ERC1: variants seen among roughly 807,000 people sequenced by gnomAD.
ERC1 encodes ELKS/RAB6-interacting/CAST family member 1.
A neutral mutation model predicts 132.0 loss-of-function variants in ERC1; 56 were observed. The ratio of observed to expected loss-of-function variants is 0.42; its 90% confidence interval spans 0.34 to 0.53. The LOEUF is 0.53. ERC1 is among the 20% of genes least tolerant of loss of function. The pLI, the probability that ERC1 is intolerant of heterozygous loss-of-function variation, is 0.03. For missense variants in ERC1, 1,202 were observed against 1,349.9 expected, an observed-to-expected ratio of 0.89 and a Z score of 1.72; for synonymous variants, 478 against 476.1, an observed-to-expected ratio of 1.00 and a Z score of -0.05.
intron 8 of ERC1, among the ~76,000 whole-genome samples, chr12:1,156,926 T>C (rs1951452351): frequency 6.6e-6 from 1 of 152,128 alleles, no homozygotes; most frequent in African/African-American, 2.4e-5. Flanking sequence ...AATACATTGG[T>C]CTATTTCCTT....
At chr12:1,254,707 T>G (rs1028536299) in intron 13 of ERC1, among the ~76,000 whole-genome samples, 4 of 152,138 alleles carry the variant, frequency 2.6e-5, no homozygotes, top group African/African-American at 9.7e-5. Flanking sequence ...GAGATGTGGT[T>G]TCACCATGTT....
intron 13 of ERC1, among the ~76,000 whole-genome samples, chr12:1,241,681 T>C (rs1041314422): frequency 1.3e-5 from 2 of 152,128 alleles, no homozygotes; most frequent in African/African-American, 4.8e-5. Flanking sequence ...AAGTACTCTT[T>C]CTTTACCCTG....
chr12:1,374,234 T>C (rs1056646364), intron 16 of ERC1, among the ~76,000 whole-genome samples: 1 of 152,362 alleles, frequency 6.6e-6, no homozygotes, highest in Non-Finnish European at 1.5e-5. Flanking sequence ...GACCAGGCTT[T>C]CCAGCAAATG....
At position 1,263,663 on chromosome 12, in the gene ERC1, A is replaced by G. The variant is rs985253491; in HGVS notation, c.2619+498A>G. ...TGGCTTTTAAACGGAAAGAAAAAAC[A>G]TGAACGTTTCTCTTTTTTTTCTTTT... On this transcript the variant is annotated intron_variant, in intron 14 of 18. Coordinates refer to ENST00000360905, the MANE Select transcript of ERC1 (RefSeq NM_178040.4). 3.9e-5 allele frequency among the ~76,000 whole-genome samples: 6 copies of G among 152,204 alleles called. No individual in the cohort carries two copies. The South Asian group carries it at 1.0e-3, about 26-fold the overall frequency.
chr12:1,123,968 C>T (rs181188192), intron 7 of ERC1, among the ~76,000 whole-genome samples: 101 of 152,222 alleles, frequency 6.6e-4, no homozygotes, highest in South Asian at 1.7e-3. Context: ...TGGGTGACAG[C>T]GCAAGATTCT....
At position 1,107,207 on chromosome 12, in the gene ERC1, TTTTGTTTG is replaced by T. The variant is rs953788823; in HGVS notation, c.1161+2399_1161+2406del. On this transcript the variant is annotated intron_variant, in intron 4 of 18. Coordinates refer to ENST00000360905, the MANE Select transcript of ERC1 (RefSeq NM_178040.4). ...TCTTCCTCCCCTTTCTCTACTATTT[TTTTGTTTG>T]TTTGTTTGTTTGTTTTTCCTTTACC... is the stretch of plus-strand genomic sequence containing the variant. 1.2e-4 allele frequency among the ~76,000 whole-genome samples: 19 copies of T among 152,294 alleles called. 1 individual carries two copies. The highest frequency in any genetic ancestry group is 1.0e-3 in the South Asian group (5 of 4,826).
In ERC1 at chr12:1,440,601, TGTGTGTGTGTGTGTGTGTG is replaced by T. The variant is rs1358145003; in HGVS notation, c.3025-3960_3025-3942del. Among the ~76,000 whole-genome samples the T allele has an allele frequency of 2.4e-4, 3 of 12,388 alleles. 1 individual carries two copies. Among genetic ancestry groups the T allele is most frequent in the African/African-American group, 5.8e-4 (3 of 5,170 alleles). 8.1% of individuals were successfully genotyped at this position (12,388 alleles called of 152,430 possible). On this transcript the variant is annotated intron_variant, in intron 17 of 18. Coordinates refer to ENST00000360905, the MANE Select transcript of ERC1 (RefSeq NM_178040.4). ...AAGCAATCCCCCTGCCTCAGCCTTT[TGTGTGTGTGTGTGTGTGTG>T]TGTGTGTGTGTGTGTGTGTGTGTGT...
rs1334975362 is a variant in ERC1 at position 1,418,657 on chromosome 12, C to T, written c.3024+10410C>T. 8.3e-3 allele frequency among the ~76,000 whole-genome samples: 1,009 copies of T among 122,200 alleles called. 6 individuals carry two copies. Among genetic ancestry groups the T allele is most frequent in the Middle Eastern group, 0.016 (4 of 254 alleles). The allele number at this position is 122,200 out of a possible 152,430, so 80.2% of individuals were successfully genotyped here. A position where few individuals can be genotyped will look rare whatever the true frequency, so the allele number is the denominator to read the frequency against. On this transcript the variant is annotated intron_variant, in intron 17 of 18. Coordinates refer to ENST00000360905, the MANE Select transcript of ERC1 (RefSeq NM_178040.4). Reference sequence around the variant, plus strand: ...TTTCTTTCTTTCTCTCTCTCTCTCTCTCTCTTTCTTTTCTTTCTTTCTTTC... The same window carrying T: ...TTTCTTTCTTTCTCTCTCTCTCTCTTTCTCTTTCTTTTCTTTCTTTCTTTC...
At chr12:1,299,882 A>G (rs1274972357) in intron 15 of ERC1, among the ~76,000 whole-genome samples, 1 of 152,222 alleles carries the variant, frequency 6.6e-6, no homozygotes, top group Non-Finnish European at 1.5e-5. Context: ...AATTTAATAG[A>G]CAAAGTCTTT....
chr12:1,127,058 T>C (rs1389324970), intron 7 of ERC1, among the ~76,000 whole-genome samples: 4 of 144,700 alleles, frequency 2.8e-5, no homozygotes, highest in East Asian at 2.0e-4. Context: ...AGGATTTGAA[T>C]AGACAATTAA....
At chr12:1,004,478 C>G (rs1007715911) in intron 1 of ERC1, among the ~76,000 whole-genome samples, 3 of 136,514 alleles carry the variant, frequency 2.2e-5, no homozygotes, top group African/African-American at 8.4e-5. Flanking sequence ...GTGATCTCGG[C>G]TCACTGCAAC....
chr12:1,192,081 GATC>G, intron 12 of ERC1, among the ~76,000 whole-genome samples: 1 of 152,302 alleles, frequency 6.6e-6, no homozygotes, highest in Non-Finnish European at 1.5e-5. Flanking sequence ...GTAAATTCCA[GATC>G]AATTTTCTTT....
intron 2 of ERC1, among the ~76,000 whole-genome samples, chr12:1,043,024 TTTCTTTTTC>T (rs1394248010): frequency 6.7e-6 from 1 of 149,834 alleles, no homozygotes; most frequent in Non-Finnish European, 1.5e-5. Context: ...CTTCTTTTTC[TTTCTTTTTC>T]TTTTCTTTTC....
chr12:1,293,750 A>T (rs762923528), intron 15 of ERC1, among the ~76,000 whole-genome samples: 1 of 152,184 alleles, frequency 6.6e-6, no homozygotes, highest in South Asian at 2.1e-4. Flanking sequence ...ATATCCTAGT[A>T]ACAATTTAGG....
rs567723571 is a variant in ERC1, at chr12:1,494,351, C to T, written c.*4121C>T. On this transcript the variant is annotated 3_prime_UTR_variant, in exon 19 of 19. Transcript: ENST00000360905. ...CTCAAAGGAATGTCTTAAAGAGGAT[C>T]TGGAGTTTCCCCCATGCAAATTAGG... 1.2e-4 allele frequency: 28 copies of T among 231,802 alleles called. No individual in the cohort carries two copies. The South Asian group carries it at 1.6e-3, about 14-fold the overall frequency. 14.4% of individuals were successfully genotyped at this position (231,802 alleles called of 1,614,324 possible). A position where few individuals can be genotyped will look rare whatever the true frequency, so the allele number is the denominator to read the frequency against.
At chr12:1,428,978 A>G (rs2092717019) in intron 17 of ERC1, among the ~76,000 whole-genome samples, 1 of 152,322 alleles carries the variant, frequency 6.6e-6, no homozygotes, top group Middle Eastern at 3.4e-3. Context: ...GCTTCCTATT[A>G]TGCTAGGAGA....
intron 1 of ERC1, among the ~76,000 whole-genome samples, chr12:1,006,822 A>C (rs1294264417): frequency 1.3e-5 from 2 of 151,992 alleles, no homozygotes; most frequent in African/African-American, 2.4e-5. Context: ...GTATAGCAAA[A>C]ATGTCTGCTT....
At chr12:1,333,245 T>C (rs1595056675) in intron 15 of ERC1, among the ~76,000 whole-genome samples, 1 of 152,190 alleles carries the variant, frequency 6.6e-6, no homozygotes, top group East Asian at 1.9e-4. Flanking sequence ...GGTAGTGGTC[T>C]CCAGCTCCAT....
intron 15 of ERC1, among the ~76,000 whole-genome samples, chr12:1,320,772 G>A (rs1483136292): frequency 6.6e-6 from 1 of 152,176 alleles, no homozygotes; most frequent in African/African-American, 2.4e-5. Flanking sequence ...CACGATCTGG[G>A]CTCACTGCAA....
Sources: allele counts gnomAD v4.1 joint callset (sites outside exome capture counted in the v4.1 genomes callset), GRCh38; gene constraint gnomAD v4.1.1; transcripts MANE v1.5; gene names NCBI Gene and HGNC (gene_info 2026-07-23, HGNC 2026-07-21).